STXBP5: variants seen among roughly 807,000 people sequenced by gnomAD.
STXBP5 encodes the protein syntaxin-binding protein 5.
A neutral mutation model predicts 152.4 loss-of-function variants in STXBP5; 50 were observed. The ratio of observed to expected loss-of-function variants is 0.33; its 90% CI spans 0.26 to 0.42. STXBP5 has a LOEUF of 0.42. Ranked by LOEUF, STXBP5 falls within the 10% of genes least tolerant of loss-of-function variation. The pLI is 1.00. For synonymous variants in STXBP5, 492 were observed against 494.7 expected, an observed-to-expected ratio of 0.99 and a Z score of 0.07; for missense variants, 1,167 against 1,388.6, an observed-to-expected ratio of 0.84 and a Z score of 2.54.
rs563410121 is a variant in STXBP5 at position 147,318,933 on chromosome 6, G to A, written c.1802+2526G>A. Among the ~76,000 whole-genome samples the A allele has an allele frequency of 2.6e-5, 4 of 151,868 alleles. 1 individual carries two copies. The South Asian group carries it at 8.3e-4, about 32-fold the overall frequency. On this transcript the variant is annotated intron_variant, in intron 16 of 27. Transcript: ENST00000321680. The stretch of plus-strand genomic sequence containing the variant: ...ACTTACTGAATTTAATCAACTTAAC[G>A]TGATTTTGTCACAGTTTTCTAGAGG...
intron 16 of STXBP5, among the ~76,000 whole-genome samples, chr6:147,318,730 CATTA>C (rs746774403): frequency 9.9e-5 from 15 of 152,166 alleles, no homozygotes; most frequent in Non-Finnish European, 1.6e-4. Flanking sequence ...TTGTTGTTGG[CATTA>C]ATTGTTATCT....
At chr6:147,318,386 T>TC (rs1209390045) in intron 16 of STXBP5, among the ~76,000 whole-genome samples, 1 of 152,158 alleles carries the variant, frequency 6.6e-6, no homozygotes, top group African/African-American at 2.4e-5. Flanking sequence ...GGATAATAGT[T>TC]AAGGCAGCAA....
intron 7 of STXBP5, among the ~76,000 whole-genome samples, chr6:147,270,169 C>T (rs377499591): frequency 1.3e-5 from 2 of 151,912 alleles, no homozygotes; most frequent in African/African-American, 4.8e-5. Flanking sequence ...GAGGCCAAGG[C>T]GGGCAGATCA....
chr6:147,364,173 A>T lies in STXBP5; in HGVS notation c.3081+7A>T, dbSNP rs767831360. 33 of 1,608,938 alleles carry T rather than the reference A, an allele frequency of 2.1e-5. No individual in the cohort carries two copies. The Admixed American group carries it at 5.5e-4, about 27-fold the overall frequency. ...GACCTGTGAAAATCTTCAGGTAATT[A>T]ATAAAAATATTACTGTAATTTCTTC... On this transcript the variant is annotated splice_region_variant and intron_variant, in intron 25 of 27. Coordinates refer to ENST00000321680, the MANE Select transcript of STXBP5 (RefSeq NM_001127715.4).
In STXBP5 at chr6:147,204,419, A is replaced by G; in HGVS notation, c.-114A>G. 1.1e-6 allele frequency: 1 copy of G among 939,714 alleles called. No homozygotes were observed. The highest frequency in any genetic ancestry group is 1.6e-6 in the Non-Finnish European group (1 of 621,246). 58.2% of individuals were successfully genotyped at this position (939,714 alleles called of 1,614,324 possible). A position where few individuals can be genotyped will look rare whatever the true frequency, so the allele number is the denominator to read the frequency against. The stretch of plus-strand genomic sequence containing the variant: ...CCCCCAGCTGCCTCCTTACCCTCAC[A>G]CTCCCACTCCTCCGTTTCCGCGGTC... On this transcript the variant is annotated 5_prime_UTR_variant, in exon 1 of 28. Coordinates refer to ENST00000321680, the MANE Select transcript of STXBP5 (RefSeq NM_001127715.4). This position sits in a 1 kb window ranked among gnomAD's most constrained non-coding sequence, Gnocchi z 4.3.
chr6:147,239,103 G>A, intron 3 of STXBP5, 67 bp from the exon 4 acceptor site: 1 of 1,363,706 alleles, frequency 7.3e-7, no homozygotes, highest in South Asian at 1.4e-5. Context: ...ATTTCTGGCA[G>A]CTATTGAGTA....
chr6:147,250,810 C>G (rs1346744663), intron 4 of STXBP5, among the ~76,000 whole-genome samples: 1 of 151,866 alleles, frequency 6.6e-6, no homozygotes, highest in Non-Finnish European at 1.5e-5. Context: ...CTTCTCCCTA[C>G]TTTATTTTTA....
intron 9 of STXBP5, among the ~76,000 whole-genome samples, chr6:147,295,102 T>C (rs1781451160): frequency 6.6e-6 from 1 of 152,210 alleles, no homozygotes; most frequent in Non-Finnish European, 1.5e-5. Flanking sequence ...CATGAAGGAC[T>C]AAATGAAATA....
Position 147,204,570 on chromosome 6 carries a change from T to TGCTC in STXBP5, c.39_40insCTCG (p.Thr14LeufsTer54). On this transcript the variant is annotated frameshift_variant, in exon 1 of 28. Transcript: ENST00000321680. LOFTEE classifies it high-confidence loss of function. This position sits in a 1 kb window ranked among gnomAD's most constrained non-coding sequence, Gnocchi z 4.3. The stretch of plus-strand genomic sequence containing the variant: ...AACATCAGGAAGGTGCTGGACGGCC[T>TGCTC]GACCGCCGGCTCGTCCTCGGCGTCG... 1 of 1,610,528 alleles carries TGCTC rather than the reference T, an allele frequency of 6.2e-7. No individual in the cohort carries two copies. The highest frequency in any genetic ancestry group is 8.5e-7 in the Non-Finnish European group (1 of 1,178,382).
chr6:147,260,399 C>T (rs1779585583), intron 4 of STXBP5, among the ~76,000 whole-genome samples: 1 of 152,112 alleles, frequency 6.6e-6, no homozygotes, highest in Non-Finnish European at 1.5e-5. Context: ...AATTCATCTT[C>T]TATCGTGCCA....
At chr6:147,368,459 A>G (rs753553689) in intron 25 of STXBP5, among the ~76,000 whole-genome samples, 10 of 152,182 alleles carry the variant, frequency 6.6e-5, no homozygotes, top group Non-Finnish European at 1.5e-4. Context: ...AAATCTCTAC[A>G]AACAAGGAAC....
rs201462341 is a variant in STXBP5, at chr6:147,204,613, G to A, written c.81G>A (p.Gln27=). The A allele has an allele frequency of 1.9e-6, 3 of 1,611,014 alleles. No individual in the cohort carries two copies. Among genetic ancestry groups the A allele is most frequent in the African/African-American group, 2.7e-5 (2 of 74,804 alleles). Residue 27 remains glutamine, a synonymous_variant, in exon 1 of 28, where the codon CAG becomes CAA. Transcript: ENST00000321680. This position sits in a 1 kb window ranked among gnomAD's most constrained non-coding sequence, Gnocchi z 4.3. ...CGGCGTCGCAGCAGCAACAGCAGCA[G>A]CATCCGCCTGGGAACCGGGAGCCGG... ...SSSASQQQQQ[Q]HPPGNREPEI... is the part of the protein sequence containing the mutation.
intron 9 of STXBP5, among the ~76,000 whole-genome samples, chr6:147,304,904 C>T (rs1157992035): frequency 1.3e-5 from 2 of 152,136 alleles, no homozygotes; most frequent in Non-Finnish European, 2.9e-5. Context: ...TTACCCAATG[C>T]CTGTATCCCC....
chr6:147,365,868 C>G (rs1785267426), intron 25 of STXBP5, among the ~76,000 whole-genome samples: 1 of 152,112 alleles, frequency 6.6e-6, no homozygotes, highest in Non-Finnish European at 1.5e-5. Context: ...TATGGAGTTT[C>G]CAGTCAAGAT....
chr6:147,368,214 A>G (rs544294643), intron 25 of STXBP5, among the ~76,000 whole-genome samples: 1 of 152,162 alleles, frequency 6.6e-6, no homozygotes, highest in African/African-American at 2.4e-5. Flanking sequence ...AAAGAAAACT[A>G]CCTATAAACC....
At chr6:147,362,403 A>G (rs1785107498) in intron 23 of STXBP5, among the ~76,000 whole-genome samples, 1 of 152,206 alleles carries the variant, frequency 6.6e-6, no homozygotes, top group South Asian at 2.1e-4. Flanking sequence ...CATTAATGTT[A>G]TCACTTAGTT....
At chr6:147,238,493 A>G (rs1778385497) in intron 3 of STXBP5, among the ~76,000 whole-genome samples, 1 of 152,188 alleles carries the variant, frequency 6.6e-6, no homozygotes, top group Non-Finnish European at 1.5e-5. Context: ...GCGTTTTGGC[A>G]TTGCAAACCA....
At chr6:147,251,531 C>G (rs1044267983) in intron 4 of STXBP5, among the ~76,000 whole-genome samples, 2 of 152,164 alleles carry the variant, frequency 1.3e-5, no homozygotes, top group African/African-American at 2.4e-5. Flanking sequence ...AGCCAGACTG[C>G]CTCTCTAGAT....
Position 147,387,391 on chromosome 6 carries a change from T to C in STXBP5, c.*2636T>C, listed in dbSNP as rs778182857. 3 of 151,774 alleles carry C rather than the reference T, an allele frequency of 2.0e-5. No homozygotes were observed. Among genetic ancestry groups the C allele is most frequent in the Non-Finnish European group, 4.4e-5 (3 of 67,720 alleles). The allele number at this position is 151,774 out of a possible 1,614,324, so 9.4% of individuals were successfully genotyped here. ...TGCCCTCTCCATATCCTCATTGTTT[T>C]TGTTGCATTTGTCCTTGACTCTAAA... On this transcript the variant is annotated 3_prime_UTR_variant, in exon 28 of 28. Coordinates refer to ENST00000321680, the MANE Select transcript of STXBP5 (RefSeq NM_001127715.4).
Sources: allele counts gnomAD v4.1 joint callset (sites outside exome capture counted in the v4.1 genomes callset), GRCh38; gene constraint gnomAD v4.1.1; non-coding constraint Gnocchi (gnomAD v3.1); transcripts MANE v1.5; gene names NCBI Gene and HGNC (gene_info 2026-07-23, HGNC 2026-07-21).